NUP153: variants seen among roughly 807,000 people sequenced by gnomAD.
The protein encoded by NUP153 is nuclear pore complex protein Nup153.
NUP153 carries 27 observed loss-of-function variants against 134.6 expected under a neutral mutation model. The ratio of observed to expected loss-of-function variants is 0.20; its 90% CI spans 0.15 to 0.28. NUP153 has a LOEUF of 0.28. Ranked by LOEUF, NUP153 falls within the 10% of genes least tolerant of loss-of-function variation. The pLI is 1.00. For missense variants in NUP153, 1,821 were observed against 1,731.3 expected, an observed-to-expected ratio of 1.05 and a Z score of -0.92; for synonymous variants, 640 against 623.5, an observed-to-expected ratio of 1.03 and a Z score of -0.40.
chr6:17,663,037 A>G (rs77999365), intron 9 of NUP153, among the ~76,000 whole-genome samples: 23 of 152,292 alleles, frequency 1.5e-4, no homozygotes, highest in Non-Finnish European at 3.1e-4. Context: ...GACAACATGT[A>G]AATAGAATCT....
intron 11 of NUP153, among the ~76,000 whole-genome samples, chr6:17,660,811 T>C (rs1391069311): frequency 6.6e-6 from 1 of 152,154 alleles, no homozygotes. Flanking sequence ...ATTCCATTCC[T>C]AGATAAATAC....
chr6:17,688,437 T>C lies in NUP153; in HGVS notation c.293A>G (p.Asp98Gly). ...YADEESSNIT[D>G]GRITPEPAVS... is the part of the protein sequence containing the mutation. Reference sequence around the variant, plus strand: ...TGCTGGCTCAGGTGTGATTCTCCCATCAGTAATATTAGAGCTCTCCTCATC... The same window carrying C: ...TGCTGGCTCAGGTGTGATTCTCCCACCAGTAATATTAGAGCTCTCCTCATC... The change falls in exon 2 of 22, where the codon GAT (aspartate) becomes GGT (glycine). Residue 98 changes from aspartate (D) to glycine (G), a missense_variant. Coordinates refer to ENST00000262077, the MANE Select transcript of NUP153 (RefSeq NM_005124.4). The C allele has an allele frequency of 1.2e-6, 2 of 1,614,138 alleles. No individual in the cohort carries two copies. Among genetic ancestry groups the C allele is most frequent in the Non-Finnish European group, 1.7e-6 (2 of 1,179,984 alleles).
chr6:17,655,589 G>C (rs1268495246), intron 11 of NUP153, among the ~76,000 whole-genome samples: 1 of 151,724 alleles, frequency 6.6e-6, no homozygotes. Context: ...GAGTAGCTGG[G>C]ATTACATGTG....
In NUP153 at chr6:17,629,514, C is replaced by G. The variant is rs749852957; in HGVS notation, c.2685G>C (p.Ser895=). The G allele has an allele frequency of 1.3e-6, 2 of 1,599,554 alleles. No individual in the cohort carries two copies. Among genetic ancestry groups the G allele is most frequent in the Non-Finnish European group, 1.7e-6 (2 of 1,176,218 alleles). The change falls in exon 18 of 22, where the codon TCG becomes TCC. Residue 895 remains serine (S), a synonymous_variant. Coordinates refer to ENST00000262077, the MANE Select transcript of NUP153 (RefSeq NM_005124.4). ...FKGFDTSSSS[S]NSAASSSFKF... ...TGAAGGATGAGGAGGCTGCTGAGTT[C>G]GAAGATGAGGAAGATGTGTCAAAGC...
chr6:17,701,803 A>C (rs1038156767), intron 1 of NUP153, among the ~76,000 whole-genome samples: 8 of 126,160 alleles, frequency 6.3e-5, no homozygotes, highest in Non-Finnish European at 8.1e-5. Flanking sequence ...ACTGCACTCC[A>C]GCCTGGGCAA....
chr6:17,693,505 C>T (rs939349853), intron 1 of NUP153, among the ~76,000 whole-genome samples: 3 of 152,182 alleles, frequency 2.0e-5, no homozygotes, highest in East Asian at 1.9e-4. Flanking sequence ...AAGGTAGTAG[C>T]GTTCTGCTAT....
chr6:17,667,851 G>A (rs984239998), intron 8 of NUP153, among the ~76,000 whole-genome samples: 5 of 152,082 alleles, frequency 3.3e-5, no homozygotes, highest in African/African-American at 7.2e-5. Flanking sequence ...CACAGTAACC[G>A]CCAAAGTTAA....
intron 1 of NUP153, among the ~76,000 whole-genome samples, chr6:17,694,319 G>A (rs569061651): frequency 6.6e-6 from 1 of 152,142 alleles, no homozygotes; most frequent in Non-Finnish European, 1.5e-5. Context: ...CCCTTTTCTG[G>A]TCCATTTATG....
chr6:17,653,882 T>C (rs532787498), intron 11 of NUP153, among the ~76,000 whole-genome samples: 29 of 152,350 alleles, frequency 1.9e-4, no homozygotes, highest in African/African-American at 6.7e-4. Context: ...TTTCACTATA[T>C]GTCAATTTTG....
At chr6:17,694,100 G>A (rs1052870138) in intron 1 of NUP153, among the ~76,000 whole-genome samples, 6 of 151,700 alleles carry the variant, frequency 4.0e-5, no homozygotes, top group Admixed American at 2.0e-4. Flanking sequence ...ATGTTTATGC[G>A]TTACATATTA....
At chr6:17,679,313 G>T (rs778166272) in intron 2 of NUP153, among the ~76,000 whole-genome samples, 5 of 152,056 alleles carry the variant, frequency 3.3e-5, no homozygotes, top group Non-Finnish European at 5.9e-5. Flanking sequence ...AAATATTTAG[G>T]AATGAACCAA....
rs1163426922 is a variant in NUP153, at chr6:17,637,569, G to A, written c.2048C>T (p.Ala683Val). Reference protein sequence around the residue: ...VTDNKCIACQAAKLSPRDTAK... With the variant: ...VTDNKCIACQVAKLSPRDTAK... ...AGTATCTCTGGGTGACAATTTTGCTGCTTGACAGGCTATGCATTTGTTGTC... is the reference window on the plus strand; with the variant it reads ...AGTATCTCTGGGTGACAATTTTGCTACTTGACAGGCTATGCATTTGTTGTC... Residue 683 changes from alanine to valine, a missense_variant, in exon 16 of 22, where the codon GCA becomes GTA. Physicochemically the swap from Ala to Val is moderately conservative, Grantham distance 64 (BLOSUM62 0). Coordinates refer to ENST00000262077, the MANE Select transcript of NUP153 (RefSeq NM_005124.4). The A allele has an allele frequency of 6.2e-7, 1 of 1,614,138 alleles. No homozygotes were observed. Among genetic ancestry groups the A allele is most frequent in the East Asian group, 2.2e-5 (1 of 44,882 alleles).
chr6:17,705,590 G>T (rs900894561), intron 1 of NUP153, among the ~76,000 whole-genome samples: 36 of 150,222 alleles, frequency 2.4e-4, no homozygotes, highest in East Asian at 3.9e-4. Context: ...GGTGTTGGGG[G>T]GGGGGAGGGG....
chr6:17,640,536 T>C (rs774609298), intron 14 of NUP153, among the ~76,000 whole-genome samples: 2 of 152,352 alleles, frequency 1.3e-5, no homozygotes, highest in Non-Finnish European at 2.9e-5. Flanking sequence ...AAAACCTATA[T>C]GGTAAAATAT....
intron 11 of NUP153, among the ~76,000 whole-genome samples, chr6:17,656,688 A>G (rs1005698359): frequency 9.9e-5 from 15 of 152,214 alleles, no homozygotes; most frequent in African/African-American, 3.1e-4. Context: ...CAAGGAAGAC[A>G]GGAGTCCAGC....
chr6:17,662,239 G>C (rs1479296474), intron 9 of NUP153, 169 bp from the exon 10 acceptor site: 2 of 160,998 alleles, frequency 1.2e-5, no homozygotes, highest in African/African-American at 4.8e-5. Flanking sequence ...GTAACCAAGA[G>C]TTACAGTGAG....
intron 5 of NUP153, among the ~76,000 whole-genome samples, chr6:17,670,168 C>T (rs948703274): frequency 2.0e-5 from 3 of 148,988 alleles, no homozygotes; most frequent in Non-Finnish European, 1.5e-5. Flanking sequence ...TACATACTTA[C>T]ACCATTCTGT....
At chr6:17,678,098 G>C (rs1768334770) in intron 2 of NUP153, among the ~76,000 whole-genome samples, 1 of 152,026 alleles carries the variant, frequency 6.6e-6, no homozygotes, top group African/African-American at 2.4e-5. Context: ...GTTCACACCT[G>C]TAATCCCAGC....
At chr6:17,674,101 A>G (rs977009896) in intron 5 of NUP153, among the ~76,000 whole-genome samples, 3 of 152,252 alleles carry the variant, frequency 2.0e-5, no homozygotes, top group African/African-American at 4.8e-5. Context: ...CTAAACGTAT[A>G]TGACATTCTG....
Sources: allele counts gnomAD v4.1 joint callset (sites outside exome capture counted in the v4.1 genomes callset), GRCh38; gene constraint gnomAD v4.1.1; transcripts MANE v1.5; gene names NCBI Gene and HGNC (gene_info 2026-07-23, HGNC 2026-07-21).